Variants in ADAMTS14 observed in about 807,000 individuals in gnomAD.
The protein encoded by ADAMTS14 is ADAM metallopeptidase with thrombospondin type 1 motif 14.
ADAMTS14 carries 100 observed loss-of-function variants against 128.6 expected under a neutral mutation model. That is an observed-to-expected ratio of 0.78 (90% CI 0.66 to 0.92). The LOEUF is 0.92. Ranked by LOEUF, ADAMTS14 falls within the 40% of genes least tolerant of loss-of-function variation. The pLI, the probability that ADAMTS14 is intolerant of heterozygous loss-of-function variation, is 0.00. For synonymous variants in ADAMTS14, 665 were observed against 653.8 expected, an observed-to-expected ratio of 1.02 and a Z score of -0.26; for missense variants, 1,562 against 1,658.6, an observed-to-expected ratio of 0.94 and a Z score of 1.01.
At chr10:70,758,312 T>C (rs1842529077) in intron 21 of ADAMTS14, 27 bp downstream of exon 21, 1 of 1,599,434 alleles carries the variant, frequency 6.3e-7, no homozygotes, top group Non-Finnish European at 8.5e-7. Context: ...GACCCTACCC[T>C]GCTCCCCAGA....
intron 3 of ADAMTS14, among the ~76,000 whole-genome samples, chr10:70,704,955 C>T (rs998318084): frequency 2.0e-5 from 3 of 152,050 alleles, no homozygotes; most frequent in African/African-American, 4.8e-5. Context: ...CCTCTATACA[C>T]TCATACACTC....
At chr10:70,719,502 AG>A (rs1196448348) in intron 4 of ADAMTS14, among the ~76,000 whole-genome samples, 2 of 151,968 alleles carry the variant, frequency 1.3e-5, no homozygotes, top group African/African-American at 4.8e-5. Context: ...CCTGGGCTCA[AG>A]TGATCCTCCT....
At chr10:70,689,221 A>G (rs1451964674) in intron 2 of ADAMTS14, among the ~76,000 whole-genome samples, 1 of 144,628 alleles carries the variant, frequency 6.9e-6, no homozygotes, top group Non-Finnish European at 1.6e-5. Context: ...GGGGAAGCGG[A>G]TCTCTCACAA....
intron 4 of ADAMTS14, among the ~76,000 whole-genome samples, chr10:70,713,330 A>C: frequency 1.2e-5 from 1 of 80,004 alleles, no homozygotes; most frequent in Non-Finnish European, 2.4e-5. Context: ...GGGATGAGGT[A>C]TTGGGTGGGG....
intron 19 of ADAMTS14, among the ~76,000 whole-genome samples, chr10:70,756,616 T>G (rs1842484662): frequency 6.6e-6 from 1 of 152,220 alleles, no homozygotes; most frequent in South Asian, 2.1e-4. Flanking sequence ...ATGATATGTA[T>G]TGTGTTGAAC....
At chr10:70,745,387 CAAGAT>C in intron 15 of ADAMTS14, 81 bp downstream of exon 15, 2 of 1,428,798 alleles carry the variant, frequency 1.4e-6, no homozygotes, top group Admixed American at 1.7e-5. Flanking sequence ...GACCAGAGGA[CAAGAT>C]TCTAGTACAA....
intron 4 of ADAMTS14, among the ~76,000 whole-genome samples, chr10:70,711,660 AGTT>A (rs1840863915): frequency 6.6e-6 from 1 of 152,206 alleles, no homozygotes; most frequent in African/African-American, 2.4e-5. Context: ...TGCGTGTATA[AGTT>A]GTTCCTCGCC....
intron 11 of ADAMTS14, among the ~76,000 whole-genome samples, chr10:70,740,752 A>T (rs7093347): frequency 0.82 from 124,015 of 152,142 alleles, 51,070 homozygotes; most frequent in East Asian, 0.91. Context: ...CTCACCGTGG[A>T]ATAGGTGGTG....
intron 2 of ADAMTS14, among the ~76,000 whole-genome samples, chr10:70,680,484 T>C (rs1438541208): frequency 6.6e-6 from 1 of 152,112 alleles, no homozygotes; most frequent in Non-Finnish European, 1.5e-5. Context: ...CGAAAGGTGG[T>C]GTTCGTAATT....
chr10:70,709,736 G>A (rs1411135410), intron 4 of ADAMTS14, among the ~76,000 whole-genome samples: 2 of 152,116 alleles, frequency 1.3e-5, no homozygotes, highest in African/African-American at 2.4e-5. Context: ...TCCTGACCTC[G>A]TGATCCGCCC....
At chr10:70,700,122 C>A (rs1038343616) in intron 2 of ADAMTS14, among the ~76,000 whole-genome samples, 1 of 152,020 alleles carries the variant, frequency 6.6e-6, no homozygotes, top group Non-Finnish European at 1.5e-5. Flanking sequence ...AGGTGTGTCC[C>A]GGGCCTGGAG....
Position 70,708,513 on chromosome 10 carries a change from G to A in ADAMTS14, c.680-75G>A, listed in dbSNP as rs969751156. On this transcript the variant is annotated intron_variant, in intron 3 of 21. Coordinates refer to ENST00000373207, the MANE Select transcript of ADAMTS14 (RefSeq NM_080722.4). ...AGGGGCACCAGTGATGGGGACAGAG[G>A]TGGGTGGTGGGCAATGTCACAGTGA... 2.2e-6 allele frequency: 3 copies of A among 1,342,654 alleles called. No individual in the cohort carries two copies. The African/African-American group carries it at 4.3e-5, about 19-fold the overall frequency. 83.2% of individuals were successfully genotyped at this position (1,342,654 alleles called of 1,614,324 possible).
At chr10:70,736,087 A>G (rs964144152) in intron 9 of ADAMTS14, among the ~76,000 whole-genome samples, 1 of 152,238 alleles carries the variant, frequency 6.6e-6, no homozygotes, top group African/African-American at 2.4e-5. Context: ...GGACAAGGAC[A>G]TGGGATTTCA....
intron 3 of ADAMTS14, among the ~76,000 whole-genome samples, chr10:70,704,407 C>T (rs1017923064): frequency 4.0e-5 from 6 of 151,784 alleles, no homozygotes; most frequent in Non-Finnish European, 8.8e-5. Context: ...CCCATATACC[C>T]GCACTCACCC....
intron 7 of ADAMTS14, among the ~76,000 whole-genome samples, chr10:70,732,834 C>T (rs1841690785): frequency 1.3e-5 from 2 of 152,176 alleles, no homozygotes; most frequent in African/African-American, 4.8e-5. Context: ...AGAGCTTAGG[C>T]GGTAGGCCAG....
Position 70,736,675 on chromosome 10 carries a change from T to C in ADAMTS14, c.1486-5T>C. 1 of 1,612,854 alleles carries C rather than the reference T, an allele frequency of 6.2e-7. No individual in the cohort carries two copies. The highest frequency in any genetic ancestry group is 8.5e-7 in the Non-Finnish European group (1 of 1,179,304). On this transcript the variant is annotated splice_polypyrimidine_tract_variant and splice_region_variant and intron_variant, in intron 9 of 21. Coordinates refer to ENST00000373207, the MANE Select transcript of ADAMTS14 (RefSeq NM_080722.4). ...GTCTGGTGACCCCATTCCCTTGCCATGCAGTTCAGGACCTTTGAGCCCTGC... is the reference window on the plus strand; with the variant it reads ...GTCTGGTGACCCCATTCCCTTGCCACGCAGTTCAGGACCTTTGAGCCCTGC...
intron 12 of ADAMTS14, among the ~76,000 whole-genome samples, chr10:70,743,001 G>A (rs1459580412): frequency 6.6e-6 from 1 of 152,094 alleles, no homozygotes; most frequent in Non-Finnish European, 1.5e-5. Context: ...GTTTTGTAGG[G>A]GTCAGAGCAG....
intron 3 of ADAMTS14, among the ~76,000 whole-genome samples, chr10:70,703,004 T>A (rs1195160915): frequency 6.6e-6 from 1 of 152,234 alleles, no homozygotes; most frequent in Non-Finnish European, 1.5e-5. Flanking sequence ...AAAGCAGAGA[T>A]GATCCATGTC....
intron 4 of ADAMTS14, among the ~76,000 whole-genome samples, chr10:70,718,413 G>A (rs924473310): frequency 4.0e-5 from 6 of 151,738 alleles, no homozygotes; most frequent in East Asian, 1.9e-4. Context: ...TTTTTGAGAC[G>A]GAGTTTCACT....
Sources: allele counts gnomAD v4.1 joint callset (sites outside exome capture counted in the v4.1 genomes callset), GRCh38; gene constraint gnomAD v4.1.1; transcripts MANE v1.5; gene names NCBI Gene and HGNC (gene_info 2026-07-23, HGNC 2026-07-21).